The following KYNU variants were observed in gnomAD, a reference collection of about 807,000 sequenced individuals.
KYNU encodes kynureninase.
Under a neutral mutation model 59.2 loss-of-function variants are expected in KYNU, and 54 were observed. That is an observed-to-expected ratio of 0.91 (90% CI 0.73 to 1.14). The LOEUF is 1.14. KYNU is among the 50% of genes most tolerant of loss of function. The pLI, the probability that KYNU is intolerant of heterozygous loss-of-function variation, is 0.00. For synonymous variants in KYNU, 177 were observed against 192.0 expected, an observed-to-expected ratio of 0.92 and a Z score of 0.65; for missense variants, 567 against 554.4, an observed-to-expected ratio of 1.02 and a Z score of -0.23.
intron 1 of KYNU, among the ~76,000 whole-genome samples, chr2:142,882,993 T>C (rs1168682141): frequency 3.3e-5 from 5 of 152,124 alleles, no homozygotes; most frequent in Admixed American, 2.6e-4. Context: ...CAGCACCTGT[T>C]GTTTCCTGAC....
rs978360749 is a variant in KYNU at position 143,045,311 on chromosome 2, A to G, written c.*3139A>G. ...TTTTGCTTAGGATTGTCTTGGCAAT[A>G]CAGGTTCTTTTTTGGTTCCATATGA... On this transcript the variant is annotated 3_prime_UTR_variant, in exon 14 of 14. Transcript: ENST00000264170. 15 of 151,980 alleles carry G rather than the reference A, an allele frequency of 9.9e-5. No individual in the cohort carries two copies. Among genetic ancestry groups the G allele is most frequent in the African/African-American group, 3.4e-4 (14 of 41,430 alleles). The allele number at this position is 151,980 out of a possible 1,614,324, so 9.4% of individuals were successfully genotyped here. A position where few individuals can be genotyped will look rare whatever the true frequency, so the allele number is the denominator to read the frequency against.
At chr2:142,940,000 A>T (rs1027975263) in intron 4 of KYNU, among the ~76,000 whole-genome samples, 1 of 152,220 alleles carries the variant, frequency 6.6e-6, no homozygotes, top group Non-Finnish European at 1.5e-5. Context: ...ACACCAGTGG[A>T]TTCTCAAAAC....
intron 10 of KYNU, among the ~76,000 whole-genome samples, chr2:143,004,062 T>A (rs564021579): frequency 3.3e-5 from 5 of 152,356 alleles, no homozygotes; most frequent in Admixed American, 6.5e-5. Context: ...AATATGCCTA[T>A]CATTTTGACT....
intron 4 of KYNU, among the ~76,000 whole-genome samples, chr2:142,928,556 G>A (rs563731210): frequency 6.6e-6 from 1 of 152,210 alleles, no homozygotes; most frequent in East Asian, 1.9e-4. Context: ...AAATCAACGT[G>A]GCTGGAAGGG....
intron 7 of KYNU, chr2:142,958,123 T>C (rs1439919693): frequency 4.6e-6 from 1 of 216,464 alleles, no homozygotes; most frequent in African/African-American, 2.4e-5. Flanking sequence ...CCCCTCTTAC[T>C]CTAAGTATCA....
intron 4 of KYNU, among the ~76,000 whole-genome samples, chr2:142,948,886 C>G (rs1683888479): frequency 6.6e-6 from 1 of 152,224 alleles, no homozygotes; most frequent in African/African-American, 2.4e-5. Flanking sequence ...AAAGTCTCAT[C>G]TGAGACAAGG....
At chr2:142,938,448 A>G (rs1043783233) in intron 4 of KYNU, among the ~76,000 whole-genome samples, 1 of 152,222 alleles carries the variant, frequency 6.6e-6, no homozygotes, top group African/African-American at 2.4e-5. Flanking sequence ...AGAGAAGGGA[A>G]GTGAGGTACA....
chr2:143,032,003 C>T (rs749157301), intron 11 of KYNU, among the ~76,000 whole-genome samples: 8 of 152,004 alleles, frequency 5.3e-5, no homozygotes, highest in East Asian at 3.9e-4. Flanking sequence ...TTTGGCCGGG[C>T]GTGGTGGCTC....
intron 8 of KYNU, among the ~76,000 whole-genome samples, chr2:142,968,712 G>A (rs1052985921): frequency 6.6e-6 from 1 of 152,080 alleles, no homozygotes; most frequent in African/African-American, 2.4e-5. Flanking sequence ...CTAGGAGTTC[G>A]AGACCAGCCT....
intron 2 of KYNU, among the ~76,000 whole-genome samples, chr2:142,901,028 T>C (rs1375637661): frequency 6.9e-6 from 1 of 145,720 alleles, no homozygotes; most frequent in Non-Finnish European, 1.5e-5. Context: ...AGTCTGGCCT[T>C]GGCGAAAGAG....
rs1340560684 is a variant in KYNU at position 143,042,432 on chromosome 2, G to C, written c.*260G>C. The C allele has an allele frequency of 3.8e-6, 1 of 260,916 alleles. No individual in the cohort carries two copies. Among genetic ancestry groups the C allele is most frequent in the Non-Finnish European group, 7.3e-6 (1 of 136,958 alleles). The allele number at this position is 260,916 out of a possible 1,614,324, so 16.2% of individuals were successfully genotyped here. On this transcript the variant is annotated 3_prime_UTR_variant, in exon 14 of 14. Transcript: ENST00000264170. ...ATTATCTATACAGTCTCTATAAGCTGTCACATTTCATGGTCATTGAAATGT... is the reference window on the plus strand; with the variant it reads ...ATTATCTATACAGTCTCTATAAGCTCTCACATTTCATGGTCATTGAAATGT...
intron 10 of KYNU, among the ~76,000 whole-genome samples, chr2:142,991,364 G>A (rs894061377): frequency 1.3e-5 from 2 of 151,928 alleles, no homozygotes; most frequent in Non-Finnish European, 2.9e-5. Context: ...AGCATAGGTC[G>A]CAGTAGCAAG....
At chr2:143,023,542 C>T (rs952511278) in intron 10 of KYNU, among the ~76,000 whole-genome samples, 2 of 151,858 alleles carry the variant, frequency 1.3e-5, no homozygotes, top group Non-Finnish European at 3.0e-5. Context: ...GGATATTTCT[C>T]TCTCCTTATA....
chr2:142,889,745 C>G (rs1210076337), intron 2 of KYNU, among the ~76,000 whole-genome samples: 1 of 152,042 alleles, frequency 6.6e-6, no homozygotes, highest in Non-Finnish European at 1.5e-5. Context: ...AATGGTAAAG[C>G]ATGTTGGATT....
At chr2:142,985,046 G>T (rs767055106) in intron 8 of KYNU, 38 bp from the exon 9 acceptor site, 1 of 1,141,482 alleles carries the variant, frequency 8.8e-7, no homozygotes, top group East Asian at 2.3e-5. Context: ...TTCTAATCAT[G>T]AAGCAAACTT....
chr2:142,975,991 G>A (rs1455698394), intron 8 of KYNU, among the ~76,000 whole-genome samples: 2 of 152,076 alleles, frequency 1.3e-5, no homozygotes, highest in African/African-American at 4.8e-5. Context: ...AATGTCACAG[G>A]TGCGACTAGC....
chr2:142,928,280 G>A (rs1250253974), intron 4 of KYNU, among the ~76,000 whole-genome samples: 1 of 152,086 alleles, frequency 6.6e-6, no homozygotes, highest in East Asian at 1.9e-4. Context: ...TGGTATTTAA[G>A]ATAGTTTTAG....
intron 4 of KYNU, among the ~76,000 whole-genome samples, chr2:142,949,512 C>A (rs1243163174): frequency 6.6e-6 from 1 of 152,232 alleles, no homozygotes; most frequent in African/African-American, 2.4e-5. Context: ...AAGCTCAACA[C>A]CATGTGGAAG....
intron 8 of KYNU, among the ~76,000 whole-genome samples, chr2:142,980,962 T>A (rs907005807): frequency 6.6e-6 from 1 of 152,152 alleles, no homozygotes; most frequent in African/African-American, 2.4e-5. Flanking sequence ...TAGATTTTTT[T>A]AATGTTTAAG....
Sources: gnomAD v4.1 joint callset for allele counts (sites outside exome capture counted in the v4.1 genomes callset) on GRCh38, gnomAD v4.1.1 for gene constraint, MANE v1.5 for transcripts, NCBI Gene and HGNC (gene_info 2026-07-23, HGNC 2026-07-21) for gene names.